Variants in CTNNA3 observed in about 807,000 individuals in gnomAD.
CTNNA3 encodes catenin alpha 3.
Under a neutral mutation model 95.7 loss-of-function variants are expected in CTNNA3, and 76 were observed. The observed-to-expected ratio is 0.79, with a 90% confidence interval of 0.66 to 0.96. CTNNA3 has a LOEUF of 0.96. Among genes scored for constraint, CTNNA3 ranks in the 40% least tolerant of loss-of-function variants. The pLI is 0.00. For synonymous variants in CTNNA3, 431 were observed against 374.4 expected, an observed-to-expected ratio of 1.15 and a Z score of -1.74; for missense variants, 1,191 against 1,089.8, an observed-to-expected ratio of 1.09 and a Z score of -1.31.
chr10:66,791,566 G>C (rs1840970059), intron 7 of CTNNA3, among the ~76,000 whole-genome samples: 1 of 152,120 alleles, frequency 6.6e-6, no homozygotes, highest in Non-Finnish European at 1.5e-5. Flanking sequence ...AGCTTGTAAT[G>C]ATAAACTCAT....
intron 7 of CTNNA3, among the ~76,000 whole-genome samples, chr10:67,085,554 T>C (rs776967936): frequency 5.9e-5 from 9 of 152,010 alleles, no homozygotes; most frequent in Non-Finnish European, 1.2e-4. Context: ...TTTATTAAAA[T>C]ATCAACAAGA....
chr10:66,505,624 G>A (rs1026707040), intron 11 of CTNNA3, among the ~76,000 whole-genome samples: 1 of 152,030 alleles, frequency 6.6e-6, no homozygotes, highest in Non-Finnish European at 1.5e-5. Flanking sequence ...CTTGAGCTAG[G>A]ATGCAGTTAT....
intron 7 of CTNNA3, among the ~76,000 whole-genome samples, chr10:67,011,783 A>G (rs1385229931): frequency 6.6e-6 from 1 of 152,180 alleles, no homozygotes; most frequent in Non-Finnish European, 1.5e-5. Context: ...ATCATCAACC[A>G]TACATACAGA....
intron 7 of CTNNA3, among the ~76,000 whole-genome samples, chr10:66,916,515 C>T (rs1005198330): frequency 4.0e-4 from 61 of 152,132 alleles, no homozygotes; most frequent in African/African-American, 1.4e-3. Context: ...ACAGTATGTG[C>T]ATAAAATGCA....
intron 14 of CTNNA3, among the ~76,000 whole-genome samples, chr10:66,070,902 T>C (rs2080421748): frequency 6.6e-6 from 1 of 152,198 alleles, no homozygotes; most frequent in South Asian, 2.1e-4. Context: ...CATTTACCTC[T>C]GACAAGATAA....
chr10:67,439,809 G>A (rs752031844), intron 5 of CTNNA3, among the ~76,000 whole-genome samples: 1 of 151,902 alleles, frequency 6.6e-6, no homozygotes, highest in Admixed American at 6.6e-5. Flanking sequence ...GGAGCCCTTC[G>A]GCCCCGAACA....
intron 7 of CTNNA3, among the ~76,000 whole-genome samples, chr10:67,115,388 A>G (rs1013810951): frequency 6.6e-5 from 10 of 151,990 alleles, no homozygotes; most frequent in African/African-American, 2.4e-4. Flanking sequence ...ACCTAATGCT[A>G]AATGATGAGT....
intron 10 of CTNNA3, among the ~76,000 whole-genome samples, chr10:66,587,220 C>CTGGCAA (rs1412932739): frequency 1.3e-5 from 2 of 152,144 alleles, no homozygotes; most frequent in African/African-American, 4.8e-5. Flanking sequence ...TAAGGTAATA[C>CTGGCAA]TGGCAATGGC....
chr10:66,798,234 C>A (rs1385461687), intron 7 of CTNNA3, among the ~76,000 whole-genome samples: 2 of 151,560 alleles, frequency 1.3e-5, no homozygotes, highest in African/African-American at 2.4e-5. Context: ...TACTAAAATA[C>A]CCATGGAAAC....
chr10:67,230,753 T>A (rs1376309517), intron 5 of CTNNA3, among the ~76,000 whole-genome samples: 1 of 152,198 alleles, frequency 6.6e-6, no homozygotes, highest in Non-Finnish European at 1.5e-5. Flanking sequence ...TGCATTTCCA[T>A]CTGAGGTACA....
At chr10:65,978,755 T>C (rs1005481703) in intron 16 of CTNNA3, among the ~76,000 whole-genome samples, 1 of 152,222 alleles carries the variant, frequency 6.6e-6, no homozygotes, top group Non-Finnish European at 1.5e-5. Flanking sequence ...AAGAATGCCT[T>C]GTTCCTCTTT....
At chr10:66,561,590 G>T (rs1238636777) in intron 10 of CTNNA3, among the ~76,000 whole-genome samples, 1 of 152,060 alleles carries the variant, frequency 6.6e-6, no homozygotes, top group Non-Finnish European at 1.5e-5. Context: ...TTGCAAAGAT[G>T]AGACCAGGGT....
chr10:66,411,002 A>C (rs995790075), intron 11 of CTNNA3, among the ~76,000 whole-genome samples: 4 of 152,314 alleles, frequency 2.6e-5, no homozygotes, highest in African/African-American at 7.2e-5. Context: ...GTAACTGGCA[A>C]AGCTGTGATT....
intron 11 of CTNNA3, among the ~76,000 whole-genome samples, chr10:66,500,087 C>T (rs1589339411): frequency 6.6e-6 from 1 of 152,046 alleles, no homozygotes; most frequent in East Asian, 1.9e-4. Context: ...AGGCGTGAGC[C>T]ACTGCACCCG....
chr10:67,062,080 T>C (rs1446777906), intron 7 of CTNNA3, among the ~76,000 whole-genome samples: 12 of 152,128 alleles, frequency 7.9e-5, no homozygotes, highest in Admixed American at 7.9e-4. Context: ...CTTTAAGAAC[T>C]CACTAATATG....
intron 3 of CTNNA3, among the ~76,000 whole-genome samples, chr10:67,584,455 G>A (rs551137660): frequency 6.6e-6 from 1 of 152,172 alleles, no homozygotes; most frequent in Non-Finnish European, 1.5e-5. Flanking sequence ...TCACCCAGCT[G>A]TATGAGGTTT....
intron 6 of CTNNA3, among the ~76,000 whole-genome samples, chr10:67,197,115 T>C (rs1182426225): frequency 6.6e-6 from 1 of 152,090 alleles, no homozygotes; most frequent in East Asian, 1.9e-4. Flanking sequence ...CTCAGTAACA[T>C]CATGTGTGTC....
intron 5 of CTNNA3, among the ~76,000 whole-genome samples, chr10:67,247,421 T>C (rs920350417): frequency 5.9e-5 from 9 of 152,022 alleles, no homozygotes; most frequent in African/African-American, 1.9e-4. Flanking sequence ...CATCAAAACA[T>C]AAAAAACTTA....
chr10:66,573,832 CT>C (rs1204427674), intron 10 of CTNNA3, among the ~76,000 whole-genome samples: 2 of 152,156 alleles, frequency 1.3e-5, no homozygotes, highest in East Asian at 3.9e-4. Context: ...ATTCATGTTA[CT>C]TTTTTTAAGC....
Sources: allele counts gnomAD v4.1 joint callset (sites outside exome capture counted in the v4.1 genomes callset), GRCh38; gene constraint gnomAD v4.1.1; transcripts MANE v1.5; gene names NCBI Gene and HGNC (gene_info 2026-07-23, HGNC 2026-07-21).